TRIO: variants seen among roughly 807,000 people sequenced by gnomAD.
The protein encoded by TRIO is triple functional domain protein.
Under a neutral mutation model 351.9 loss-of-function variants are expected in TRIO, and 58 were observed. The observed-to-expected ratio is 0.16, with a 90% confidence interval of 0.13 to 0.21. The LOEUF is 0.21. Among genes scored for constraint, TRIO ranks in the 10% least tolerant of loss-of-function variants. The pLI is 1.00. For missense variants in TRIO, 3,201 were observed against 4,027.8 expected (o/e 0.79, Z 5.56); for synonymous variants, 1,758 against 1,595.7 (o/e 1.10, Z -2.42).
intron 28 of TRIO, among the ~76,000 whole-genome samples, chr5:14,396,362 G>A (rs556761762): frequency 8.8e-5 from 13 of 147,426 alleles, no homozygotes; most frequent in African/African-American, 3.2e-4. Context: ...TGTGGTAAAC[G>A]CACAGTTGGA....
chr5:14,419,127 G>A (rs771604479), intron 33 of TRIO, among the ~76,000 whole-genome samples: 20 of 152,154 alleles, frequency 1.3e-4, no homozygotes, highest in Non-Finnish European at 2.8e-4. Context: ...TCTGGGAAAC[G>A]AGCCGATGTC....
chr5:14,217,792 C>T (rs1208085208), intron 1 of TRIO, among the ~76,000 whole-genome samples: 4 of 152,086 alleles, frequency 2.6e-5, no homozygotes, highest in African/African-American at 4.8e-5. Context: ...TGTCGCAGCA[C>T]GTGTGGGGCA....
At chr5:14,456,611 A>G (rs966559115) in intron 34 of TRIO, among the ~76,000 whole-genome samples, 1 of 152,210 alleles carries the variant, frequency 6.6e-6, no homozygotes, top group African/African-American at 2.4e-5. Context: ...TCCTGTGTTC[A>G]CAGCCATCAG....
At chr5:14,274,649 G>C (rs143990945) in intron 2 of TRIO, among the ~76,000 whole-genome samples, 10 of 152,244 alleles carry the variant, frequency 6.6e-5, no homozygotes, top group African/African-American at 2.4e-4. Context: ...AGGAGAAGTA[G>C]GATAAGTGAT....
At chr5:14,280,478 T>TGTAAATGTG in intron 3 of TRIO, 42 bp downstream of exon 3, 1 of 1,536,226 alleles carries the variant, frequency 6.5e-7, no homozygotes, top group African/African-American at 1.4e-5. Context: ...ATGTCACATT[T>TGTAAATGTG]ACAAGAGATG....
At chr5:14,280,815 G>A (rs1273947978) in intron 3 of TRIO, among the ~76,000 whole-genome samples, 1 of 152,194 alleles carries the variant, frequency 6.6e-6, no homozygotes, top group Non-Finnish European at 1.5e-5. Context: ...GCAAACGTTA[G>A]TTCTTTAAAA....
intron 34 of TRIO, among the ~76,000 whole-genome samples, chr5:14,427,427 C>T (rs78205436): frequency 0.031 from 4,767 of 152,260 alleles, 254 homozygotes; most frequent in African/African-American, 0.11. Flanking sequence ...CTCAGGAACC[C>T]CCAGCCCAAG....
chr5:14,482,827 C>T (rs948194203), intron 46 of TRIO, 54 bp downstream of exon 46: 123 of 1,380,096 alleles, frequency 8.9e-5, no homozygotes, highest in Non-Finnish European at 1.0e-4. Flanking sequence ...CCCGTCACAC[C>T]GATACACTGT....
chr5:14,478,119 C>G (rs1440214159), intron 41 of TRIO, among the ~76,000 whole-genome samples: 6 of 152,212 alleles, frequency 3.9e-5, no homozygotes, highest in Admixed American at 3.9e-4. Flanking sequence ...GTTCCACTCA[C>G]AACTCGGTTA....
chr5:14,317,504 G>A (rs539420426), intron 9 of TRIO, among the ~76,000 whole-genome samples: 19 of 152,296 alleles, frequency 1.2e-4, no homozygotes, highest in Admixed American at 3.9e-4. Flanking sequence ...GCCGTGATAA[G>A]CCTGCAGTAG....
In TRIO at chr5:14,509,399, CGGGT is replaced by C; in HGVS notation, c.*986_*989del. 1.3e-5 allele frequency: 3 copies of C among 232,422 alleles called. No homozygotes were observed. Among genetic ancestry groups the C allele is most frequent in the Admixed American group, 6.3e-5 (1 of 15,770 alleles). The allele number at this position is 232,422 out of a possible 1,614,324, so 14.4% of individuals were successfully genotyped here. ...GGTTTTGTGTGTGTGTTGGGGTTGG[CGGGT>C]GGGTGGGTAGGGTCGTAGCCCTGTG... On this transcript the variant is annotated 3_prime_UTR_variant, in exon 57 of 57. Coordinates refer to ENST00000344204, the MANE Select transcript of TRIO (RefSeq NM_007118.4).
chr5:14,479,543 C>T (rs1245598477), intron 42 of TRIO, among the ~76,000 whole-genome samples, 193 bp downstream of exon 42: 2 of 151,958 alleles, frequency 1.3e-5, no homozygotes, highest in East Asian at 3.9e-4. Context: ...TGGTCATACC[C>T]CTGGCATTCA....
chr5:14,202,677 G>A lies in TRIO; in HGVS notation c.157+58795G>A, dbSNP rs543291575. 1.5e-4 allele frequency among the ~76,000 whole-genome samples: 23 copies of A among 149,154 alleles called. No homozygotes were observed. In the East Asian group the frequency reaches 2.7e-3, roughly 18 times the overall value. On this transcript the variant is annotated intron_variant, in intron 1 of 56. Transcript: ENST00000344204. ...ATGAGATCTGATGATTTTATAAGGA[G>A]TTTCCCCTTTTGCTTGGCTCTCATT...
intron 1 of TRIO, among the ~76,000 whole-genome samples, chr5:14,249,206 A>T (rs1794606756): frequency 6.6e-6 from 1 of 152,250 alleles, no homozygotes; most frequent in African/African-American, 2.4e-5. Context: ...TCTTGTTGGT[A>T]AAACAGATTT....
chr5:14,403,720 T>TGTGGTGAGGGTGCAGGTG (rs1561448838), intron 31 of TRIO, among the ~76,000 whole-genome samples: 1 of 28,118 alleles, frequency 3.6e-5, no homozygotes, highest in African/African-American at 1.5e-4. Context: ...GGGTGTAGGT[T>TGTGGTGAGGGTGCAGGTG]GTGGTGAGGG....
At position 14,487,782 on chromosome 5, in the gene TRIO, C is replaced by A; in HGVS notation, c.7154C>A (p.Ala2385Asp). The A allele has an allele frequency of 2.2e-6, 3 of 1,376,352 alleles. No individual in the cohort carries two copies. Among genetic ancestry groups the A allele is most frequent in the Non-Finnish European group, 9.4e-7 (1 of 1,063,422 alleles). The allele number at this position is 1,376,352 out of a possible 1,614,324, so 85.3% of individuals were successfully genotyped here. A position where few individuals can be genotyped will look rare whatever the true frequency, so the allele number is the denominator to read the frequency against. ...CCTCCCCCTGGCGCGGCCCCCGAGG[C>A]CGGCCCCAGCGCGCCCAGCAGGCGG... ...SLPPPGAAPE[A>D]GPSAPSRRPP... The change falls in exon 48 of 57, where the codon GCC (alanine) becomes GAC (aspartate). Residue 2385 changes from alanine (A) to aspartate (D), a missense_variant. Coordinates refer to ENST00000344204, the MANE Select transcript of TRIO (RefSeq NM_007118.4).
chr5:14,351,282 G>A (rs1053384014), intron 11 of TRIO, among the ~76,000 whole-genome samples: 5 of 152,252 alleles, frequency 3.3e-5, no homozygotes, highest in Non-Finnish European at 7.3e-5. Context: ...GGAACATGCT[G>A]CACGTGGATG....
intron 34 of TRIO, among the ~76,000 whole-genome samples, chr5:14,428,989 C>G (rs1036701800): frequency 1.4e-4 from 22 of 152,222 alleles, no homozygotes; most frequent in African/African-American, 5.3e-4. Context: ...CTGACATTTC[C>G]TAGACATCAG....
At position 14,482,701 on chromosome 5, in the gene TRIO, C is replaced by T; in HGVS notation, c.6585C>T (p.Val2195=). The T allele has an allele frequency of 6.2e-7, 1 of 1,611,714 alleles. No individual in the cohort carries two copies. Among genetic ancestry groups the T allele is most frequent in the Non-Finnish European group, 8.5e-7 (1 of 1,178,468 alleles). ...ERRIFLFEQI[V]IFSEPLDKKK... is the part of the protein sequence containing the mutation. Reference sequence around the variant, plus strand: ...GCATCTTCCTCTTTGAGCAGATCGTCATATTCAGCGAACCACTTGATAAAA... The same window carrying T: ...GCATCTTCCTCTTTGAGCAGATCGTTATATTCAGCGAACCACTTGATAAAA... Residue 2195 remains valine (V), a synonymous_variant, in exon 46 of 57, where the codon GTC becomes GTT. Transcript: ENST00000344204.
Sources: gnomAD v4.1 joint callset for allele counts (sites outside exome capture counted in the v4.1 genomes callset) on GRCh38, gnomAD v4.1.1 for gene constraint, MANE v1.5 for transcripts, NCBI Gene and HGNC (gene_info 2026-07-23, HGNC 2026-07-21) for gene names.